Variants in GABRB2 observed in about 807,000 individuals in gnomAD.
The protein encoded by GABRB2 is gamma-aminobutyric acid receptor subunit beta-2.
Under a neutral mutation model 54.7 loss-of-function variants are expected in GABRB2, and 16 were observed. The ratio of observed to expected loss-of-function variants is 0.29; its 90% CI spans 0.20 to 0.44. GABRB2 has a LOEUF of 0.44. GABRB2 is among the 20% of genes least tolerant of loss of function. GABRB2 has a pLI of 1.00. For synonymous variants in GABRB2, 244 were observed against 233.8 expected, an observed-to-expected ratio of 1.04 and a Z score of -0.40; for missense variants, 355 against 644.0, an observed-to-expected ratio of 0.55 and a Z score of 4.86.
At chr5:161,472,090 C>A (rs1758457969) in intron 3 of GABRB2, among the ~76,000 whole-genome samples, 1 of 151,814 alleles carries the variant, frequency 6.6e-6, no homozygotes, top group Non-Finnish European at 1.5e-5. Context: ...TAAATAAATT[C>A]ACCCAAAGAA....
intron 5 of GABRB2, among the ~76,000 whole-genome samples, chr5:161,405,112 G>A (rs191700064): frequency 1.8e-4 from 28 of 152,080 alleles, no homozygotes; most frequent in African/African-American, 6.3e-4. Flanking sequence ...CTTTCCTTAA[G>A]AGGAAATTCT....
At chr5:161,310,969 C>T (rs1441028372) in intron 9 of GABRB2, among the ~76,000 whole-genome samples, 5 of 152,060 alleles carry the variant, frequency 3.3e-5, no homozygotes, top group South Asian at 2.1e-4. Context: ...ACCGTGTTAG[C>T]CAAGATGGTC....
At chr5:161,380,640 A>G (rs1254405111) in intron 5 of GABRB2, among the ~76,000 whole-genome samples, 1 of 152,172 alleles carries the variant, frequency 6.6e-6, no homozygotes. Context: ...TGAAAAAAAA[A>G]AATCTGACGT....
chr5:161,307,174 A>C (rs1335408470), intron 9 of GABRB2, among the ~76,000 whole-genome samples: 1 of 152,116 alleles, frequency 6.6e-6, no homozygotes, highest in African/African-American at 2.4e-5. Flanking sequence ...CCTCAGTTCA[A>C]ATTCTTTTTT....
chr5:161,420,008 G>T (rs1756802227), intron 4 of GABRB2, among the ~76,000 whole-genome samples: 1 of 152,080 alleles, frequency 6.6e-6, no homozygotes, highest in African/African-American at 2.4e-5. Context: ...AAGAAATATA[G>T]TTGAACCAGA....
In GABRB2 at chr5:161,385,219, G is replaced by A. The variant is rs528058621; in HGVS notation, c.541+25756C>T. ...CACTCCAGATGCAAATATCTGCCAA[G>A]TGTATCTGCATCTCTACATACTCTG... On this transcript the variant is annotated intron_variant, in intron 5 of 9. Coordinates refer to ENST00000393959, the MANE Select transcript of GABRB2 (RefSeq NM_001371727.1). 9.7e-4 allele frequency among the ~76,000 whole-genome samples: 147 copies of A among 152,272 alleles called. 2 individuals carry two copies. Among genetic ancestry groups the A allele is most frequent in the African/African-American group, 3.4e-3 (141 of 41,564 alleles).
At chr5:161,411,671 A>G (rs1756520386) in intron 4 of GABRB2, among the ~76,000 whole-genome samples, 1 of 152,152 alleles carries the variant, frequency 6.6e-6, no homozygotes, top group African/African-American at 2.4e-5. Flanking sequence ...TGGCATAGTT[A>G]TATATTTAGA....
chr5:161,372,140 G>A (rs542711029), intron 5 of GABRB2, among the ~76,000 whole-genome samples: 2 of 152,134 alleles, frequency 1.3e-5, no homozygotes, highest in South Asian at 2.1e-4. Flanking sequence ...CTGCAGATGT[G>A]TTGCTCTGGA....
chr5:161,435,592 A>G (rs1157586622), intron 4 of GABRB2, among the ~76,000 whole-genome samples: 1 of 152,138 alleles, frequency 6.6e-6, no homozygotes, highest in African/African-American at 2.4e-5. Context: ...CAGAAAGGAA[A>G]CTCTTACTGT....
chr5:161,484,225 C>T (rs1018216166), intron 3 of GABRB2, among the ~76,000 whole-genome samples: 3 of 151,890 alleles, frequency 2.0e-5, no homozygotes, highest in African/African-American at 7.2e-5. Flanking sequence ...TTTAAAACAT[C>T]AGCACAAAAA....
chr5:161,443,982 A>G (rs1757541473), intron 4 of GABRB2, among the ~76,000 whole-genome samples: 2 of 152,190 alleles, frequency 1.3e-5, no homozygotes, highest in African/African-American at 4.8e-5. Flanking sequence ...ATCACATCAT[A>G]AGCCTTGTTT....
intron 3 of GABRB2, among the ~76,000 whole-genome samples, chr5:161,502,781 G>A (rs778809380): frequency 2.0e-5 from 3 of 152,170 alleles, no homozygotes; most frequent in Non-Finnish European, 1.5e-5. Flanking sequence ...TGAAGTAGCC[G>A]AAATTTGTAA....
At chr5:161,372,876 G>C (rs1464827559) in intron 5 of GABRB2, among the ~76,000 whole-genome samples, 1 of 152,156 alleles carries the variant, frequency 6.6e-6, no homozygotes, top group Non-Finnish European at 1.5e-5. Flanking sequence ...TCTCTGCTAT[G>C]CTGCATGCAC....
chr5:161,404,969 C>T (rs146845646), intron 5 of GABRB2, among the ~76,000 whole-genome samples: 24 of 152,222 alleles, frequency 1.6e-4, no homozygotes, highest in Admixed American at 9.8e-4. Flanking sequence ...TTACAGAATA[C>T]GGCAGCCCAT....
At chr5:161,516,647 A>ATT (rs5872717) in intron 3 of GABRB2, among the ~76,000 whole-genome samples, 4 of 151,588 alleles carry the variant, frequency 2.6e-5, no homozygotes, top group Non-Finnish European at 4.4e-5. Flanking sequence ...TAAAGTAAAG[A>ATT]TTTTTTTTTA....
At position 161,385,086 on chromosome 5, in the gene GABRB2, C is replaced by T. The variant is rs533484004; in HGVS notation, c.541+25889G>A. Among the ~76,000 whole-genome samples the T allele has an allele frequency of 6.6e-5, 10 of 152,248 alleles. No individual in the cohort carries two copies. In the South Asian group the frequency reaches 1.5e-3, roughly 22 times the overall value. ...ATCCCCAGCTGCAGCTGGAATCTCC[C>T]GCATTGAGCATCCCTGACCTCTTCC... On this transcript the variant is annotated intron_variant, in intron 5 of 9. Transcript: ENST00000393959.
At chr5:161,312,093 C>T (rs1359218858) in intron 9 of GABRB2, among the ~76,000 whole-genome samples, 1 of 151,984 alleles carries the variant, frequency 6.6e-6, no homozygotes, top group Non-Finnish European at 1.5e-5. Context: ...ACTGACTAAA[C>T]CCTCAGGGGA....
intron 4 of GABRB2, among the ~76,000 whole-genome samples, chr5:161,453,032 T>G (rs1330405355): frequency 1.3e-5 from 2 of 152,224 alleles, no homozygotes; most frequent in African/African-American, 4.8e-5. Flanking sequence ...TATATCATTT[T>G]TCTTTAAACT....
intron 3 of GABRB2, among the ~76,000 whole-genome samples, chr5:161,538,732 G>A (rs1029143613): frequency 7.2e-5 from 11 of 152,150 alleles, no homozygotes; most frequent in African/African-American, 2.6e-4. Context: ...ACTGAGATGA[G>A]AGAATTGCTT....
Sources: allele counts gnomAD v4.1 joint callset (sites outside exome capture counted in the v4.1 genomes callset), GRCh38; gene constraint gnomAD v4.1.1; transcripts MANE v1.5; gene names NCBI Gene and HGNC (gene_info 2026-07-23, HGNC 2026-07-21).